ILRUN: variants seen among roughly 807,000 people sequenced by gnomAD.
ILRUN encodes protein ILRUN.
A neutral mutation model predicts 33.8 loss-of-function variants in ILRUN; 3 were observed. The ratio of observed to expected loss-of-function variants is 0.09; its 90% CI spans 0.04 to 0.23. The LOEUF is 0.23. Ranked by LOEUF, ILRUN falls within the 10% of genes least tolerant of loss-of-function variation. ILRUN has a pLI of 1.00. For missense variants in ILRUN, 210 were observed against 375.1 expected, an observed-to-expected ratio of 0.56 and a Z score of 3.64; for synonymous variants, 124 against 138.9, an observed-to-expected ratio of 0.89 and a Z score of 0.75.
chr6:34,692,449 T>C (rs1252472709), intron 1 of ILRUN, among the ~76,000 whole-genome samples: 2 of 152,206 alleles, frequency 1.3e-5, no homozygotes, highest in Admixed American at 6.5e-5. Context: ...AGAGATTTTT[T>C]TGTCAACCTG....
intron 3 of ILRUN, among the ~76,000 whole-genome samples, chr6:34,612,180 A>C (rs1419502021): frequency 1.3e-5 from 2 of 152,202 alleles, no homozygotes; most frequent in Non-Finnish European, 2.9e-5. Context: ...TTGGGAAGCC[A>C]ATGTGAGCAG....
intron 3 of ILRUN, among the ~76,000 whole-genome samples, chr6:34,609,489 CA>C (rs565087478): frequency 2.2e-4 from 32 of 144,342 alleles, no homozygotes; most frequent in African/African-American, 4.1e-4. Flanking sequence ...GAGCCTATCT[CA>C]AAAAAAAAAG....
chr6:34,677,207 T>A (rs953756320), intron 1 of ILRUN, among the ~76,000 whole-genome samples: 8 of 151,952 alleles, frequency 5.3e-5, no homozygotes, highest in African/African-American at 1.9e-4. Flanking sequence ...CCAGGGAGGA[T>A]GAGGCAGGAG....
At chr6:34,669,272 T>C (rs1046693793) in intron 1 of ILRUN, among the ~76,000 whole-genome samples, 1 of 149,924 alleles carries the variant, frequency 6.7e-6, no homozygotes, top group African/African-American at 2.5e-5. Flanking sequence ...TAAAGGTATG[T>C]ACCATCACAC....
intron 3 of ILRUN, among the ~76,000 whole-genome samples, chr6:34,644,262 T>G (rs1020181460): frequency 2.0e-5 from 3 of 152,214 alleles, no homozygotes; most frequent in Non-Finnish European, 4.4e-5. Context: ...GTATATTGTC[T>G]TCTTCTCCCC....
intron 1 of ILRUN, among the ~76,000 whole-genome samples, chr6:34,694,958 GGA>G (rs1763726866): frequency 6.6e-6 from 1 of 151,548 alleles, no homozygotes; most frequent in African/African-American, 2.4e-5. Flanking sequence ...GGTTGAGACA[GGA>G]GAATTGCTTG....
At chr6:34,650,575 C>A (rs1176135000) in intron 2 of ILRUN, among the ~76,000 whole-genome samples, 2 of 151,746 alleles carry the variant, frequency 1.3e-5, no homozygotes, top group Admixed American at 6.6e-5. Flanking sequence ...GGATTACAGG[C>A]GCCTGCCACC....
intron 2 of ILRUN, among the ~76,000 whole-genome samples, chr6:34,649,208 T>G (rs1762613086): frequency 6.6e-6 from 1 of 152,218 alleles, no homozygotes; most frequent in Non-Finnish European, 1.5e-5. Flanking sequence ...GTGTTATCAA[T>G]GATACATACA....
At chr6:34,621,556 T>C (rs1206235939) in intron 3 of ILRUN, among the ~76,000 whole-genome samples, 1 of 152,182 alleles carries the variant, frequency 6.6e-6, no homozygotes, top group African/African-American at 2.4e-5. Flanking sequence ...TTATTCCTGA[T>C]GTCAAAACTT....
intron 1 of ILRUN, among the ~76,000 whole-genome samples, chr6:34,692,751 G>A (rs147082778): frequency 7.2e-5 from 11 of 152,158 alleles, no homozygotes; most frequent in African/African-American, 1.2e-4. Flanking sequence ...AACATAGTGC[G>A]ACCCATCTCT....
At chr6:34,605,511 C>T (rs372710973) in intron 4 of ILRUN, among the ~76,000 whole-genome samples, 129 of 151,886 alleles carry the variant, frequency 8.5e-4, no homozygotes, top group African/African-American at 3.1e-3. Flanking sequence ...CACCTGTAAT[C>T]CCAGCTACTC....
At chr6:34,686,000 C>A (rs1763507931) in intron 1 of ILRUN, among the ~76,000 whole-genome samples, 1 of 152,072 alleles carries the variant, frequency 6.6e-6, no homozygotes, top group Non-Finnish European at 1.5e-5. Flanking sequence ...AGGGATAAAT[C>A]TTCATGACCT....
At chr6:34,671,937 A>G (rs969209443) in intron 1 of ILRUN, 2 of 152,266 alleles carry the variant, frequency 1.3e-5, no homozygotes, top group Non-Finnish European at 2.9e-5. Context: ...ACACATGTAC[A>G]AAAACAGGAG....
intron 1 of ILRUN, among the ~76,000 whole-genome samples, chr6:34,672,266 G>T (rs993374102): frequency 5.9e-5 from 9 of 152,084 alleles, no homozygotes; most frequent in African/African-American, 2.2e-4. Flanking sequence ...GCTAATTTTT[G>T]TAATTTTAGT....
At chr6:34,658,506 T>TTTTA (rs1283659142) in intron 1 of ILRUN, among the ~76,000 whole-genome samples, 43 of 151,160 alleles carry the variant, frequency 2.8e-4, no homozygotes, top group Admixed American at 1.8e-3. Context: ...TTTTTTTTTT[T>TTTTA]TTAAGAGTAT....
intron 1 of ILRUN, among the ~76,000 whole-genome samples, chr6:34,658,086 C>T (rs1000484959): frequency 3.9e-5 from 6 of 152,172 alleles, no homozygotes; most frequent in Non-Finnish European, 7.3e-5. Flanking sequence ...CTGTGACTCA[C>T]GCCTGTAATC....
intron 2 of ILRUN, among the ~76,000 whole-genome samples, chr6:34,648,595 G>T (rs1030857863): frequency 6.6e-6 from 1 of 152,130 alleles, no homozygotes; most frequent in Non-Finnish European, 1.5e-5. Flanking sequence ...GACAATACAC[G>T]CAACTTATCT....
At chr6:34,663,635 C>T (rs1331539648) in intron 1 of ILRUN, among the ~76,000 whole-genome samples, 4 of 152,238 alleles carry the variant, frequency 2.6e-5, no homozygotes, top group African/African-American at 9.6e-5. Context: ...TGAGCCACCC[C>T]GTCCAGCTAA....
chr6:34,595,415 T>C (rs1285245956), intron 4 of ILRUN, among the ~76,000 whole-genome samples: 3 of 152,240 alleles, frequency 2.0e-5, no homozygotes, highest in African/African-American at 7.2e-5. Context: ...TCACCTATTT[T>C]CATCAGTAGG....
Sources: gnomAD v4.1 joint callset for allele counts (sites outside exome capture counted in the v4.1 genomes callset) on GRCh38, gnomAD v4.1.1 for gene constraint, MANE v1.5 for transcripts, NCBI Gene and HGNC (gene_info 2026-07-23, HGNC 2026-07-21) for gene names.